PRKG1: variants seen among roughly 807,000 people sequenced by gnomAD.
PRKG1 encodes the protein cGMP-dependent protein kinase 1.
A neutral mutation model predicts 88.1 loss-of-function variants in PRKG1; 35 were observed. The observed-to-expected ratio is 0.40, with a 90% CI of 0.30 to 0.53. The LOEUF (loss-of-function observed/expected upper bound fraction) is 0.53. Ranked by LOEUF, PRKG1 falls within the 20% of genes least tolerant of loss-of-function variation. The probability of loss-of-function intolerance (pLI) is 0.59; values close to 1 mark genes in which losing one functional copy is unlikely to be tolerated. For missense variants in PRKG1, 540 were observed against 839.8 expected (o/e 0.64, Z 4.41); for synonymous variants, 303 against 292.5 (o/e 1.04, Z -0.37).
At chr10:51,451,395 T>C (rs1033563452) in intron 2 of PRKG1, among the ~76,000 whole-genome samples, 5 of 151,930 alleles carry the variant, frequency 3.3e-5, no homozygotes, top group Non-Finnish European at 7.4e-5. Flanking sequence ...GTATATATTA[T>C]TTTTCTTATC....
At chr10:51,911,843 C>A (rs1193955625) in intron 5 of PRKG1, among the ~76,000 whole-genome samples, 2 of 152,114 alleles carry the variant, frequency 1.3e-5, no homozygotes, top group African/African-American at 2.4e-5. Flanking sequence ...GATGAAAGAA[C>A]CCCAGATAAT....
At chr10:51,923,325 C>G (rs1013155671) in intron 5 of PRKG1, among the ~76,000 whole-genome samples, 6 of 151,516 alleles carry the variant, frequency 4.0e-5, no homozygotes, top group Non-Finnish European at 5.9e-5. Context: ...CCTATGGTTT[C>G]TTTAAAATCC....
At chr10:51,652,520 C>T (rs972827120) in intron 3 of PRKG1, among the ~76,000 whole-genome samples, 1 of 151,932 alleles carries the variant, frequency 6.6e-6, no homozygotes, top group Non-Finnish European at 1.5e-5. Context: ...AGAACTTTTC[C>T]AGAGCTCCTA....
At chr10:51,391,114 C>T (rs1837384999) in intron 2 of PRKG1, among the ~76,000 whole-genome samples, 1 of 152,118 alleles carries the variant, frequency 6.6e-6, no homozygotes, top group South Asian at 2.1e-4. Context: ...GCAAATTTGG[C>T]TTATTCTAGA....
chr10:51,082,408 G>A (rs893998717), intron 1 of PRKG1, among the ~76,000 whole-genome samples: 1 of 152,124 alleles, frequency 6.6e-6, no homozygotes, highest in Non-Finnish European at 1.5e-5. Context: ...ACTTTCCTGC[G>A]CATTAGAATC....
chr10:52,221,292 T>C (rs1840239049), intron 9 of PRKG1, among the ~76,000 whole-genome samples: 1 of 152,178 alleles, frequency 6.6e-6, no homozygotes, highest in African/African-American at 2.4e-5. Flanking sequence ...TATTGTTGTT[T>C]TAAGGCAATA....
intron 9 of PRKG1, among the ~76,000 whole-genome samples, chr10:52,216,112 T>A (rs953173609): frequency 6.6e-6 from 1 of 152,204 alleles, no homozygotes; most frequent in African/African-American, 2.4e-5. Context: ...ACTTGGGAGA[T>A]TCTTCAGACT....
intron 1 of PRKG1, among the ~76,000 whole-genome samples, chr10:51,089,190 A>C (rs1220863049): frequency 6.6e-6 from 1 of 152,094 alleles, no homozygotes; most frequent in African/African-American, 2.4e-5. Flanking sequence ...TTGTTCTCCA[A>C]CTCTAATAAA....
chr10:51,582,964 T>C (rs1838080467), intron 3 of PRKG1, among the ~76,000 whole-genome samples: 1 of 152,184 alleles, frequency 6.6e-6, no homozygotes, highest in South Asian at 2.1e-4. Context: ...ACTACTTTAC[T>C]GTTTTGAACT....
At chr10:51,132,757 G>A (rs1267777231) in intron 1 of PRKG1, among the ~76,000 whole-genome samples, 1 of 147,718 alleles carries the variant, frequency 6.8e-6, no homozygotes, top group African/African-American at 2.5e-5. Flanking sequence ...TAAAATTTAA[G>A]GTTCTTGTTA....
chr10:51,742,173 A>G (rs1028520570), intron 3 of PRKG1, among the ~76,000 whole-genome samples: 1 of 152,132 alleles, frequency 6.6e-6, no homozygotes, highest in African/African-American at 2.4e-5. Flanking sequence ...GAGATTGTTA[A>G]CTGGAACTCA....
At chr10:51,411,851 C>A (rs891154930) in intron 2 of PRKG1, among the ~76,000 whole-genome samples, 2 of 152,100 alleles carry the variant, frequency 1.3e-5, no homozygotes, top group African/African-American at 4.8e-5. Context: ...GAATGAAGGA[C>A]ATGGATTTAA....
intron 10 of PRKG1, among the ~76,000 whole-genome samples, chr10:52,264,946 C>A (rs911024095): frequency 6.6e-6 from 1 of 151,948 alleles, no homozygotes; most frequent in African/African-American, 2.4e-5. Flanking sequence ...CCTTAAGCGA[C>A]CTTTGTGTTA....
chr10:51,849,351 G>A (rs1260883984), intron 4 of PRKG1, among the ~76,000 whole-genome samples: 2 of 152,158 alleles, frequency 1.3e-5, no homozygotes, highest in Non-Finnish European at 2.9e-5. Flanking sequence ...GCCATAAAAC[G>A]AGTATTAAGT....
At chr10:52,117,243 T>G (rs1310558909) in intron 7 of PRKG1, among the ~76,000 whole-genome samples, 1 of 145,482 alleles carries the variant, frequency 6.9e-6, no homozygotes, top group Non-Finnish European at 1.5e-5. Context: ...AAAATGCCAC[T>G]CTAAGAGTTA....
At chr10:51,136,219 C>T (rs1394612593) in intron 1 of PRKG1, among the ~76,000 whole-genome samples, 6 of 151,780 alleles carry the variant, frequency 4.0e-5, no homozygotes, top group African/African-American at 1.5e-4. Context: ...CTATTTTGAG[C>T]AATTGGGTAG....
chr10:51,158,608 C>A (rs1204806346), intron 2 of PRKG1, among the ~76,000 whole-genome samples: 3 of 151,932 alleles, frequency 2.0e-5, no homozygotes, highest in East Asian at 1.9e-4. Context: ...TTCATACTGA[C>A]CTCTCTGTAG....
chr10:52,029,866 A>T (rs1355697728), intron 5 of PRKG1, among the ~76,000 whole-genome samples: 1 of 152,122 alleles, frequency 6.6e-6, no homozygotes, highest in Admixed American at 6.6e-5. Flanking sequence ...ACATATCCTC[A>T]GGTGTCTCTC....
intron 2 of PRKG1, 81 bp from the exon 3 acceptor site, chr10:51,467,642 C>A: frequency 9.0e-7 from 1 of 1,110,464 alleles, no homozygotes; most frequent in Non-Finnish European, 1.3e-6. Context: ...ATGAGCCTAA[C>A]ACTCCTCTTC....
Sources: gnomAD v4.1 joint callset for allele counts (sites outside exome capture counted in the v4.1 genomes callset) on GRCh38, gnomAD v4.1.1 for gene constraint, MANE v1.5 for transcripts, NCBI Gene and HGNC (gene_info 2026-07-23, HGNC 2026-07-21) for gene names.